The following HNRNPUL1 variants were observed in gnomAD, a reference collection of about 807,000 sequenced individuals.
HNRNPUL1 encodes the protein heterogeneous nuclear ribonucleoprotein U-like protein 1.
HNRNPUL1 carries 14 observed loss-of-function variants against 108.5 expected under a neutral mutation model. That is an observed-to-expected ratio of 0.13 (90% confidence interval 0.09 to 0.20). The LOEUF (loss-of-function observed/expected upper bound fraction) is 0.20, where lower values mean the gene tolerates loss of function less well. Among genes scored for constraint, HNRNPUL1 ranks in the 10% least tolerant of loss-of-function variants. The probability of loss-of-function intolerance (pLI) is 1.00; values close to 1 mark genes in which losing one functional copy is unlikely to be tolerated. For missense variants in HNRNPUL1, 804 were observed against 1,168.3 expected (o/e 0.69, Z 4.55); for synonymous variants, 422 against 445.2 (o/e 0.95, Z 0.66).
intron 7 of HNRNPUL1, among the ~76,000 whole-genome samples, chr19:41,282,474 G>A (rs567046772): frequency 1.3e-3 from 199 of 152,156 alleles, no homozygotes; most frequent in African/African-American, 4.3e-3. Context: ...GAACCACCAC[G>A]CCTGGCCCCT....
Position 41,292,025 on chromosome 19 carries a change from A to T in HNRNPUL1, c.1000-220A>T. 3 of 565,448 alleles carry T rather than the reference A, an allele frequency of 5.3e-6. No homozygotes were observed. Among genetic ancestry groups the T allele is most frequent in the Non-Finnish European group, 9.4e-6 (3 of 319,038 alleles). The allele number at this position is 565,448 out of a possible 1,614,324, so 35.0% of individuals were successfully genotyped here. ...AAAAAAACTCTTGCTTACTTGCTTC[A>T]TATCCACCAACTTTGGGGTCTTAGG... On this transcript the variant is annotated intron_variant, in intron 7 of 14. Coordinates refer to ENST00000392006, the MANE Select transcript of HNRNPUL1 (RefSeq NM_007040.6). This position sits in a 1 kb window ranked among gnomAD's most constrained non-coding sequence, Gnocchi z 4.1.
Position 41,305,809 on chromosome 19 carries a change from C to G in HNRNPUL1, c.2396C>G (p.Pro799Arg). The G allele has an allele frequency of 1.2e-6, 2 of 1,612,110 alleles. No individual in the cohort carries two copies. Among genetic ancestry groups the G allele is most frequent in the Non-Finnish European group, 1.7e-6 (2 of 1,178,868 alleles). The change falls in exon 14 of 15, where the codon CCA becomes CGA. Residue 799 changes from proline (P) to arginine (R), a missense_variant. Pro to Arg is a moderately radical substitution (Grantham distance 103). Coordinates refer to ENST00000392006, the MANE Select transcript of HNRNPUL1 (RefSeq NM_007040.6). ...GGTTACAACCCGGCCCCCTATACCC[C>G]ACCGCCACCCCCCACTGCACAGACC... is the stretch of plus-strand genomic sequence containing the variant. ...YGGYNPAPYT[P>R]PPPPTAQTYP...
chr19:41,294,280 C>A lies in HNRNPUL1; in HGVS notation c.1267-58C>A. 6.3e-7 allele frequency: 1 copy of A among 1,596,610 alleles called. No homozygotes were observed. Among genetic ancestry groups the A allele is most frequent in the South Asian group, 1.1e-5 (1 of 88,962 alleles). On this transcript the variant is annotated intron_variant, in intron 8 of 14. Transcript: ENST00000392006. The surrounding 1 kb of genome is among the most constrained non-coding windows in gnomAD (Gnocchi z 4.3). ...CCAGAGTCACACTCACAGTCACCAC[C>A]GAGCCAAGTGGTGCCATACCACCAT...
intron 7 of HNRNPUL1, among the ~76,000 whole-genome samples, chr19:41,284,913 G>A (rs1475905604): frequency 2.6e-5 from 4 of 151,050 alleles, no homozygotes; most frequent in East Asian, 1.9e-4. Flanking sequence ...GGAGAATGGC[G>A]TGACCCTGGG....
At chr19:41,298,578 G>A (rs1599844650) in intron 10 of HNRNPUL1, 2 of 152,324 alleles carry the variant, frequency 1.3e-5, no homozygotes, top group African/African-American at 4.8e-5. Context: ...GTGTGGTTTA[G>A]ATACTCTTCT....
intron 8 of HNRNPUL1, among the ~76,000 whole-genome samples, chr19:41,293,933 G>A (rs2036735740): frequency 6.6e-6 from 1 of 152,124 alleles, no homozygotes; most frequent in South Asian, 2.1e-4. Context: ...CTTGAGCCTG[G>A]GAGTTCAAGG....
intron 14 of HNRNPUL1, 39 bp downstream of exon 14, chr19:41,305,906 TC>T: frequency 7.4e-7 from 1 of 1,344,544 alleles, no homozygotes; most frequent in Non-Finnish European, 1.0e-6. Flanking sequence ...TGGAGAGACT[TC>T]CATGGGCCCC....
chr19:41,282,401 C>G (rs1270544916), intron 7 of HNRNPUL1, among the ~76,000 whole-genome samples: 2 of 152,122 alleles, frequency 1.3e-5, no homozygotes, highest in Admixed American at 1.3e-4. Flanking sequence ...AGGCTGGTCT[C>G]GAACTCCCGA....
In HNRNPUL1 at chr19:41,274,922, G is replaced by T. The variant is rs186745281; in HGVS notation, c.646+867G>T. ...GTTTAAAAAGTGTTGGGTGGCAGTG[G>T]TTCATGAGGCAGCGTCTAGATGAAA... On this transcript the variant is annotated intron_variant, in intron 4 of 14. Transcript: ENST00000392006. 1.5e-3 allele frequency among the ~76,000 whole-genome samples: 225 copies of T among 152,312 alleles called. 1 individual carries two copies. The highest frequency in any genetic ancestry group is 5.2e-3 in the African/African-American group (217 of 41,568).
rs60968872 is a variant in HNRNPUL1, at chr19:41,294,225, G to A, written c.1267-113G>A. On this transcript the variant is annotated intron_variant, in intron 8 of 14. Coordinates refer to ENST00000392006, the MANE Select transcript of HNRNPUL1 (RefSeq NM_007040.6). This position sits in a 1 kb window ranked among gnomAD's most constrained non-coding sequence, Gnocchi z 4.3. ...TGAGGTAGATGGTATTACTGCTTCC[G>A]CTTTGTAGAGGCAGCCACAGCTCAG... The A allele has an allele frequency of 1.1e-5, 13 of 1,227,142 alleles. No individual in the cohort carries two copies. Among genetic ancestry groups the A allele is most frequent in the Admixed American group, 3.9e-5 (2 of 51,364 alleles). 76.0% of individuals were successfully genotyped at this position (1,227,142 alleles called of 1,614,324 possible).
chr19:41,266,714 GC>G (rs2034871323), intron 1 of HNRNPUL1, among the ~76,000 whole-genome samples: 1 of 152,186 alleles, frequency 6.6e-6, no homozygotes, highest in Admixed American at 6.5e-5. Context: ...GGGACTTGGG[GC>G]TAAGGGGATA....
chr19:41,300,173 C>T (rs1198501077), intron 10 of HNRNPUL1, among the ~76,000 whole-genome samples: 1 of 152,102 alleles, frequency 6.6e-6, no homozygotes, highest in East Asian at 1.9e-4. Context: ...CATTCTCTTA[C>T]TCAGTCCTTG....
intron 7 of HNRNPUL1, among the ~76,000 whole-genome samples, chr19:41,284,297 A>G: frequency 6.6e-6 from 1 of 152,320 alleles, no homozygotes; most frequent in Non-Finnish European, 1.5e-5. Context: ...TGTAAACGAA[A>G]AAAAGAAAAA....
chr19:41,292,240 C>G lies in HNRNPUL1; in HGVS notation c.1000-5C>G. ...CAATCATATTCCTTTGGCTTTTTCT[C>G]CTAGGATTTTGAATGTGGAAATGAC... On this transcript the variant is annotated splice_region_variant and splice_polypyrimidine_tract_variant and intron_variant, in intron 7 of 14. Transcript: ENST00000392006. The surrounding 1 kb of genome is among the most constrained non-coding windows in gnomAD (Gnocchi z 4.1). 1 of 1,613,276 alleles carries G rather than the reference C, an allele frequency of 6.2e-7. No individual in the cohort carries two copies. The highest frequency in any genetic ancestry group is 1.1e-5 in the South Asian group (1 of 91,068).
chr19:41,290,280 A>G (rs2036507532), intron 7 of HNRNPUL1, among the ~76,000 whole-genome samples: 1 of 152,242 alleles, frequency 6.6e-6, no homozygotes, highest in Admixed American at 6.5e-5. Context: ...TGAGATGGGC[A>G]TTTAGAAAAA....
At chr19:41,263,660 G>A (rs545838996), upstream of HNRNPUL1, among the ~76,000 whole-genome samples, 66 of 152,308 alleles carry the variant, frequency 4.3e-4, 1 homozygote, top group Admixed American at 3.9e-3. Context: ...TACGAACTGT[G>A]TATCCACTTA....
chr19:41,276,573 A>G (rs1714162815), intron 5 of HNRNPUL1: 3 of 293,086 alleles, frequency 1.0e-5, no homozygotes, highest in Non-Finnish European at 1.9e-5. Flanking sequence ...TAGTGATGAC[A>G]TGTTTGTAGA....
chr19:41,272,193 A>G lies in HNRNPUL1; in HGVS notation c.530A>G (p.Glu177Gly). Residue 177 changes from glutamate to glycine, a missense_variant, in exon 3 of 15, where the codon GAA (glutamate) becomes GGA (glycine). By Grantham distance (98) the Glu-to-Gly change is moderately conservative. Coordinates refer to ENST00000392006, the MANE Select transcript of HNRNPUL1 (RefSeq NM_007040.6). ...CAGAGTCGAAAGAGGCCTTATGAAG[A>G]AAACCGGGGACGGGGGTACTTTGAG... ...QFQSRKRPYE[E>G]NRGRGYFEHR... 1.2e-6 allele frequency: 2 copies of G among 1,614,114 alleles called. No individual in the cohort carries two copies. Among genetic ancestry groups the G allele is most frequent in the Non-Finnish European group, 1.7e-6 (2 of 1,180,008 alleles).
chr19:41,293,293 G>A (rs1449156572), intron 8 of HNRNPUL1, among the ~76,000 whole-genome samples: 1 of 152,084 alleles, frequency 6.6e-6, no homozygotes, highest in African/African-American at 2.4e-5. Context: ...TCTTTTTAAT[G>A]TCTAAGTGCC....
Sources: gnomAD v4.1 joint callset for allele counts (sites outside exome capture counted in the v4.1 genomes callset) on GRCh38, gnomAD v4.1.1 for gene constraint, Gnocchi (gnomAD v3.1) non-coding constraint, MANE v1.5 for transcripts, NCBI Gene and HGNC (gene_info 2026-07-23, HGNC 2026-07-21) for gene names.